CEP76: variants seen among roughly 807,000 people sequenced by gnomAD.
CEP76 encodes the protein centrosomal protein of 76 kDa.
CEP76 carries 55 observed loss-of-function variants against 83.3 expected under a neutral mutation model. That is an observed-to-expected ratio of 0.66 (90% CI 0.53 to 0.83). CEP76 has a LOEUF of 0.83. Ranked by LOEUF, CEP76 falls within the 40% of genes least tolerant of loss-of-function variation. The probability of loss-of-function intolerance (pLI) is 0.00; values close to 1 mark genes in which losing one functional copy is unlikely to be tolerated. For missense variants in CEP76, 694 were observed against 799.5 expected, an observed-to-expected ratio of 0.87 and a Z score of 1.59; for synonymous variants, 270 against 274.5, an observed-to-expected ratio of 0.98 and a Z score of 0.16.
rs531171236 is a variant in CEP76 at position 12,673,270 on chromosome 18, T to A, written c.*95A>T. 6.8e-7 allele frequency: 1 copy of A among 1,480,910 alleles called. No homozygotes were observed. The highest frequency in any genetic ancestry group is 8.9e-7 in the Non-Finnish European group (1 of 1,121,832). 91.7% of individuals were successfully genotyped at this position (1,480,910 alleles called of 1,614,324 possible). A position where few individuals can be genotyped will look rare whatever the true frequency, so the allele number is the denominator to read the frequency against. ...GAAGTATGCCATTCAAGCCAGATTG[T>A]GATTTTAAAATAACAAACCTCTAAA... On this transcript the variant is annotated 3_prime_UTR_variant, in exon 12 of 12. Coordinates refer to ENST00000262127, the MANE Select transcript of CEP76 (RefSeq NM_024899.4).
At chr18:12,678,495 C>A in intron 9 of CEP76, 53 bp from the exon 10 acceptor site, 2 of 1,200,622 alleles carry the variant, frequency 1.7e-6, no homozygotes, top group Non-Finnish European at 1.2e-6. Flanking sequence ...AAAAAGGCAG[C>A]ATCTTACTGA....
chr18:12,691,379 G>A lies in CEP76; in HGVS notation c.913C>T (p.Leu305=), dbSNP rs1374948157. Residue 305 remains leucine, a synonymous_variant, in exon 7 of 12, where the codon CTG becomes TTG. Coordinates refer to ENST00000262127, the MANE Select transcript of CEP76 (RefSeq NM_024899.4). The stretch of plus-strand genomic sequence containing the variant: ...CAAACCTGTGCAAAAATCTTAACCA[G>A]TCGTGAGTTGTGTGAGGGTCGAATT... The part of the protein sequence containing the change: ...LQIRPSHNSR[L]VKIFAQDENG... 6.3e-7 allele frequency: 1 copy of A among 1,598,532 alleles called. No homozygotes were observed. The highest frequency in any genetic ancestry group is 8.5e-7 in the Non-Finnish European group (1 of 1,172,616).
At position 12,678,311 on chromosome 18, in the gene CEP76, G is replaced by T. The variant is rs1410799845; in HGVS notation, c.1421C>A (p.Ala474Glu). 13 of 1,613,998 alleles carry T rather than the reference G, an allele frequency of 8.1e-6. No individual in the cohort carries two copies. The highest frequency in any genetic ancestry group is 1.3e-5 in the African/African-American group (1 of 74,908). Residue 474 changes from alanine (A) to glutamate (E), a missense_variant, in exon 10 of 12, where the codon GCA (alanine) becomes GAA (glutamate). Transcript: ENST00000262127. ...CAAATCAAATACACAGGTTTCTACTGCATCAGAGGGTTGACAATTTCCCAG... is the reference window on the plus strand; with the variant it reads ...CAAATCAAATACACAGGTTTCTACTTCATCAGAGGGTTGACAATTTCCCAG... Reference protein sequence around the residue: ...MFLGNCQPSDAVETCVFDLND... With the variant: ...MFLGNCQPSDEVETCVFDLND...
downstream of CEP76, chr18:12,672,554 T>TGAAAA (rs10678393): frequency 0.42 from 244,600 of 586,552 alleles, 53,441 homozygotes; most frequent in Non-Finnish European, 0.44. Flanking sequence ...TTTATCACAA[T>TGAAAA]GAAAGAAAAA....
At chr18:12,698,754 A>G (rs2040048362) in intron 4 of CEP76, 2 of 542,434 alleles carry the variant, frequency 3.7e-6, no homozygotes, top group South Asian at 2.5e-5. Flanking sequence ...TTACTAAAGA[A>G]TCAACAATGA....
downstream of CEP76, among the ~76,000 whole-genome samples, chr18:12,668,413 A>T (rs550357668): frequency 6.6e-6 from 1 of 151,884 alleles, no homozygotes; most frequent in East Asian, 2.0e-4. Flanking sequence ...CAACAAGACA[A>T]AACCCTGTCC....
intron 5 of CEP76, among the ~76,000 whole-genome samples, chr18:12,696,434 C>T (rs2039960286): frequency 1.3e-5 from 2 of 152,070 alleles, no homozygotes; most frequent in East Asian, 1.9e-4. Context: ...ACCCAGGAGG[C>T]GGGGGTTGCA....
rs376355730 is a variant in CEP76, at chr18:12,692,905, C to G, written c.805-1418G>C. 5.9e-5 allele frequency among the ~76,000 whole-genome samples: 9 copies of G among 152,316 alleles called. No homozygotes were observed. In the East Asian group the frequency reaches 1.7e-3, roughly 29 times the overall value. ...CTGCATGATCATGGCTCACTGTAGC[C>G]TCGAATTCCTGGGCTTAAGCGATCC... On this transcript the variant is annotated intron_variant, in intron 6 of 11. Transcript: ENST00000262127.
chr18:12,677,308 CAT>C (rs1302486923), intron 10 of CEP76, among the ~76,000 whole-genome samples: 1 of 151,860 alleles, frequency 6.6e-6, no homozygotes, highest in Non-Finnish European at 1.5e-5. Flanking sequence ...CGTGGTAGCA[CAT>C]GTCTATAATC....
chr18:12,694,191 A>G (rs905832792), intron 6 of CEP76, among the ~76,000 whole-genome samples: 1 of 152,172 alleles, frequency 6.6e-6, no homozygotes, highest in Admixed American at 6.6e-5. Flanking sequence ...GAAGCTAGAG[A>G]TTAGAGGGAG....
At position 12,673,078 on chromosome 18, in the gene CEP76, TAATA is replaced by T; in HGVS notation, c.*283_*286del. On this transcript the variant is annotated 3_prime_UTR_variant, in exon 12 of 12. Coordinates refer to ENST00000262127, the MANE Select transcript of CEP76 (RefSeq NM_024899.4). ...AAAGAAAACTGAATGCATTTTATAT[TAATA>T]TTTAAACTACTGATAACTGTAAACA... 9.9e-7 allele frequency: 1 copy of T among 1,010,852 alleles called. No individual in the cohort carries two copies. The highest frequency in any genetic ancestry group is 8.2e-5 in the East Asian group (1 of 12,196). The allele number at this position is 1,010,852 out of a possible 1,614,324, so 62.6% of individuals were successfully genotyped here.
chr18:12,699,226 T>A, intron 3 of CEP76, 23 bp from the exon 4 acceptor site: 1 of 1,461,888 alleles, frequency 6.8e-7, no homozygotes, highest in Non-Finnish European at 9.5e-7. Flanking sequence ...GCAATATATA[T>A]GAGGAAACTG....
intron 12 of CEP76, among the ~76,000 whole-genome samples, chr18:12,664,887 CAG>C (rs140572088): frequency 0.14 from 21,105 of 151,528 alleles, 1,690 homozygotes; most frequent in African/African-American, 0.2. Flanking sequence ...TTAGTAGAGA[CAG>C]GGTTTCACCA....
At chr18:12,697,492 A>G in intron 4 of CEP76, 84 bp from the exon 5 acceptor site, 4 of 932,066 alleles carry the variant, frequency 4.3e-6, no homozygotes, top group Non-Finnish European at 4.7e-6. Flanking sequence ...TAAACAGTAA[A>G]TAATAAGCTT....
At chr18:12,669,610 A>C (rs530844197), downstream of CEP76, among the ~76,000 whole-genome samples, 2 of 152,294 alleles carry the variant, frequency 1.3e-5, no homozygotes, top group African/African-American at 2.4e-5. Flanking sequence ...ATTGTCAAGA[A>C]CACCACCTTG....
chr18:12,691,325 C>T (rs1162953614), intron 7 of CEP76, 34 bp downstream of exon 7: 1 of 1,394,550 alleles, frequency 7.2e-7, no homozygotes, highest in Non-Finnish European at 9.8e-7. Flanking sequence ...ATCTCAAATA[C>T]AGGCATAAAA....
Position 12,673,407 on chromosome 18 carries a change from A to G in CEP76, c.1938T>C (p.Ala646=). ...ATTTACAAGCAAACATGATCCAAAC[A>G]GCACATGCAGATTCAGGGTAAGTAA... ...RVFTYPESAC[A]VWIMFACKYR... is the part of the protein sequence containing the mutation. The change falls in exon 12 of 12, where the codon GCT becomes GCC. Residue 646 remains alanine (A), a synonymous_variant. Coordinates refer to ENST00000262127, the MANE Select transcript of CEP76 (RefSeq NM_024899.4). The G allele has an allele frequency of 6.2e-7, 1 of 1,607,980 alleles. No homozygotes were observed. Among genetic ancestry groups the G allele is most frequent in the African/African-American group, 1.3e-5 (1 of 74,442 alleles).
At chr18:12,664,718 A>G (rs964573990) in intron 12 of CEP76, among the ~76,000 whole-genome samples, 2 of 146,510 alleles carry the variant, frequency 1.4e-5, no homozygotes, top group African/African-American at 5.1e-5. Flanking sequence ...TTTTTTTTTA[A>G]GACGGGGTCT....
At chr18:12,675,118 C>T (rs762824695) in intron 10 of CEP76, among the ~76,000 whole-genome samples, 6 of 151,886 alleles carry the variant, frequency 4.0e-5, no homozygotes, top group South Asian at 2.1e-4. Context: ...GAGTTTAGGC[C>T]GGGTGCGGTG....
Sources: gnomAD v4.1 joint callset for allele counts (sites outside exome capture counted in the v4.1 genomes callset) on GRCh38, gnomAD v4.1.1 for gene constraint, MANE v1.5 for transcripts, NCBI Gene and HGNC (gene_info 2026-07-23, HGNC 2026-07-21) for gene names.